RTF1: variants seen among roughly 807,000 people sequenced by gnomAD.
The protein encoded by RTF1 is RTF1 homolog, Paf1/RNA polymerase II complex component.
Under a neutral mutation model 95.7 loss-of-function variants are expected in RTF1, and 10 were observed. The ratio of observed to expected loss-of-function variants is 0.10; its 90% CI spans 0.06 to 0.18. The LOEUF (loss-of-function observed/expected upper bound fraction) is 0.18. RTF1 is among the 10% of genes least tolerant of loss of function. The pLI, the probability that RTF1 is intolerant of heterozygous loss-of-function variation, is 1.00. For synonymous variants in RTF1, 305 were observed against 311.8 expected, an observed-to-expected ratio of 0.98 and a Z score of 0.23; for missense variants, 458 against 875.6, an observed-to-expected ratio of 0.52 and a Z score of 6.02.
chr15:41,430,622 T>A (rs1187016279), intron 1 of RTF1, among the ~76,000 whole-genome samples: 1 of 151,338 alleles, frequency 6.6e-6, no homozygotes, highest in Admixed American at 6.6e-5. Context: ...ATGCCTGTAG[T>A]CCCAGCTACT....
At chr15:41,436,710 C>T (rs2050705227) in intron 1 of RTF1, among the ~76,000 whole-genome samples, 1 of 151,682 alleles carries the variant, frequency 6.6e-6, no homozygotes, top group Non-Finnish European at 1.5e-5. Flanking sequence ...ACGGCCATTG[C>T]TTGAATCTGG....
intron 7 of RTF1, among the ~76,000 whole-genome samples, chr15:41,470,933 C>T (rs2050908540): frequency 6.6e-6 from 1 of 152,128 alleles, no homozygotes; most frequent in African/African-American, 2.4e-5. Context: ...GCTGGGATTA[C>T]AGGCTCATTC....
intron 1 of RTF1, among the ~76,000 whole-genome samples, chr15:41,432,902 C>T (rs550849225): frequency 5.3e-5 from 8 of 149,742 alleles, no homozygotes; most frequent in Non-Finnish European, 1.2e-4. Flanking sequence ...CGCACCATTG[C>T]ACTCCAGCTT....
At chr15:41,434,936 A>G (rs917851553) in intron 1 of RTF1, among the ~76,000 whole-genome samples, 1 of 149,698 alleles carries the variant, frequency 6.7e-6, no homozygotes, top group Admixed American at 6.7e-5. Context: ...CAGCAGTACT[A>G]ATGTCTTACT....
intron 2 of RTF1, among the ~76,000 whole-genome samples, chr15:41,445,258 T>C (rs1258886182): frequency 6.6e-6 from 1 of 152,188 alleles, no homozygotes; most frequent in East Asian, 1.9e-4. Context: ...GTTTTACATA[T>C]TGGCTCTTAA....
intron 5 of RTF1, among the ~76,000 whole-genome samples, chr15:41,465,675 C>T (rs1187728548): frequency 6.6e-6 from 1 of 151,902 alleles, no homozygotes; most frequent in South Asian, 2.1e-4. Context: ...GAGTGACCAT[C>T]CCTTAAGGAA....
chr15:41,456,868 G>A (rs1332762432), intron 3 of RTF1, among the ~76,000 whole-genome samples: 2 of 151,600 alleles, frequency 1.3e-5, no homozygotes, highest in Non-Finnish European at 2.9e-5. Flanking sequence ...GGCGGATCAC[G>A]AGGTTGAGAG....
rs546804603 is a variant in RTF1, at chr15:41,421,501, C to T, written c.198+4188C>T. Among the ~76,000 whole-genome samples the T allele has an allele frequency of 1.3e-4, 20 of 150,604 alleles. No homozygotes were observed. The East Asian group carries it at 3.9e-3, about 29-fold the overall frequency. On this transcript the variant is annotated intron_variant, in intron 1 of 17. Coordinates refer to ENST00000389629, the MANE Select transcript of RTF1 (RefSeq NM_015138.5). ...TTTAAAAATTAGCTGGGCATGGTGG[C>T]GTGCCTCTAGTCTCAGCTACTTGGG...
intron 11 of RTF1, 126 bp downstream of exon 11, chr15:41,475,945 A>G (rs535750968): frequency 5.0e-6 from 3 of 599,208 alleles, no homozygotes; most frequent in Admixed American, 6.1e-5. Context: ...GAATACTAAT[A>G]TTACTACCTG....
chr15:41,427,935 C>T (rs1320770293), intron 1 of RTF1, among the ~76,000 whole-genome samples: 2 of 151,848 alleles, frequency 1.3e-5, no homozygotes, highest in Admixed American at 6.6e-5. Flanking sequence ...TACAAGTGTC[C>T]GCCACCACAC....
chr15:41,470,477 G>A, intron 7 of RTF1, 85 bp downstream of exon 7: 2 of 1,409,516 alleles, frequency 1.4e-6, no homozygotes, highest in Non-Finnish European at 2.0e-6. Context: ...AATCTCCCTG[G>A]TTGGGCCACT....
chr15:41,474,180 A>G (rs1004220859), intron 8 of RTF1, among the ~76,000 whole-genome samples: 6 of 151,920 alleles, frequency 3.9e-5, no homozygotes, highest in African/African-American at 4.8e-5. Flanking sequence ...CCCAGCCTGG[A>G]TTGTTTTTGT....
At chr15:41,427,041 C>T (rs1052512121) in intron 1 of RTF1, among the ~76,000 whole-genome samples, 8 of 150,874 alleles carry the variant, frequency 5.3e-5, no homozygotes, top group African/African-American at 1.7e-4. Flanking sequence ...AGGGTTTCAC[C>T]ATGTTGGCCA....
Position 41,441,835 on chromosome 15 carries a change from C to G in RTF1, c.309+3404C>G, listed in dbSNP as rs147761057. On this transcript the variant is annotated intron_variant, in intron 2 of 17. Coordinates refer to ENST00000389629, the MANE Select transcript of RTF1 (RefSeq NM_015138.5). The stretch of plus-strand genomic sequence containing the variant: ...CCCTCAGGCTTATTGTAACTCTACT[C>G]CAGTCCCTCTCTCACGAGAGCAGCA... Among the ~76,000 whole-genome samples the G allele has an allele frequency of 2.0e-3, 300 of 152,280 alleles. 1 individual carries two copies. Among genetic ancestry groups the G allele is most frequent in the Non-Finnish European group, 2.6e-3 (179 of 68,030 alleles).
At chr15:41,429,971 T>C (rs895039171) in intron 1 of RTF1, among the ~76,000 whole-genome samples, 2 of 147,488 alleles carry the variant, frequency 1.4e-5, no homozygotes, top group African/African-American at 2.5e-5. Context: ...TATTTTTTCT[T>C]TGTTTTTAAT....
intron 1 of RTF1, among the ~76,000 whole-genome samples, chr15:41,433,105 G>T (rs1283528314): frequency 6.7e-6 from 1 of 150,360 alleles, no homozygotes; most frequent in East Asian, 2.0e-4. Flanking sequence ...ACTATTAGCT[G>T]GGTGTGGTGG....
intron 5 of RTF1, among the ~76,000 whole-genome samples, chr15:41,465,730 T>G: frequency 6.6e-6 from 1 of 152,138 alleles, no homozygotes; most frequent in Non-Finnish European, 1.5e-5. Flanking sequence ...GCTTATGATG[T>G]TTACTTAGAT....
At chr15:41,472,765 G>T (rs758464744) in intron 8 of RTF1, among the ~76,000 whole-genome samples, 53 of 150,658 alleles carry the variant, frequency 3.5e-4, no homozygotes, top group African/African-American at 1.2e-3. Flanking sequence ...TCAGTGGCAC[G>T]ATCTCGGCTC....
Position 41,480,854 on chromosome 15 carries a change from T to C in RTF1, c.*167T>C, listed in dbSNP as rs929703758. On this transcript the variant is annotated 3_prime_UTR_variant, in exon 18 of 18. Coordinates refer to ENST00000389629, the MANE Select transcript of RTF1 (RefSeq NM_015138.5). Reference sequence around the variant, plus strand: ...AAACCATTTGCTGTATAGACCTCCTTTGTCTGCACACCATCTCCCACCAGC... The same window carrying C: ...AAACCATTTGCTGTATAGACCTCCTCTGTCTGCACACCATCTCCCACCAGC... 3 of 610,822 alleles carry C rather than the reference T, an allele frequency of 4.9e-6. No individual in the cohort carries two copies. In the African/African-American group the frequency reaches 5.5e-5, roughly 11 times the overall value. 37.8% of individuals were successfully genotyped at this position (610,822 alleles called of 1,614,324 possible).
Sources: allele counts gnomAD v4.1 joint callset (sites outside exome capture counted in the v4.1 genomes callset), GRCh38; gene constraint gnomAD v4.1.1; transcripts MANE v1.5; gene names NCBI Gene and HGNC (gene_info 2026-07-23, HGNC 2026-07-21).